Variants in DOK6 observed in about 807,000 individuals in gnomAD.
DOK6 encodes the protein docking protein 6, also known as downstream of tyrosine kinase 6.
In DOK6, 22 loss-of-function variants were observed where a neutral mutation model predicts 44.0. The ratio of observed to expected loss-of-function variants is 0.50; its 90% CI spans 0.36 to 0.71. The LOEUF is 0.71. Among genes scored for constraint, DOK6 ranks in the 30% least tolerant of loss-of-function variants. The pLI, the probability that DOK6 is intolerant of heterozygous loss-of-function variation, is 0.00. For synonymous variants in DOK6, 166 were observed against 145.5 expected (o/e 1.14, Z -1.01); for missense variants, 340 against 416.4 (o/e 0.82, Z 1.60).
chr18:69,606,306 A>G (rs957087416), intron 3 of DOK6, among the ~76,000 whole-genome samples: 14 of 53,520 alleles, frequency 2.6e-4, no homozygotes, highest in African/African-American at 6.4e-4. Flanking sequence ...ATAAATAAAT[A>G]AATAAATAAA....
intron 2 of DOK6, among the ~76,000 whole-genome samples, chr18:69,593,131 A>G (rs1242545411): frequency 6.6e-6 from 1 of 152,164 alleles, no homozygotes; most frequent in African/African-American, 2.4e-5. Context: ...CTGGGAGGCC[A>G]AGGCTGGAAG....
intron 3 of DOK6, among the ~76,000 whole-genome samples, chr18:69,633,894 C>G (rs1195096896): frequency 6.6e-6 from 1 of 152,078 alleles, no homozygotes; most frequent in Non-Finnish European, 1.5e-5. Flanking sequence ...TTTGAAGTGA[C>G]CTTTCCCTGG....
chr18:69,730,238 T>C (rs925314043), intron 5 of DOK6, among the ~76,000 whole-genome samples: 6 of 152,208 alleles, frequency 3.9e-5, no homozygotes, highest in Non-Finnish European at 8.8e-5. Context: ...ATGGACTGAG[T>C]TGCCAGCCTC....
chr18:69,566,646 T>C (rs1982991139), intron 2 of DOK6, among the ~76,000 whole-genome samples: 1 of 152,294 alleles, frequency 6.6e-6, no homozygotes, highest in South Asian at 2.1e-4. Context: ...CAAAGATGTG[T>C]GAGACACAGT....
At chr18:69,680,447 C>A (rs770896155) in intron 4 of DOK6, among the ~76,000 whole-genome samples, 1 of 152,202 alleles carries the variant, frequency 6.6e-6, no homozygotes, top group Non-Finnish European at 1.5e-5. Flanking sequence ...TGATGATATC[C>A]CTTTTCTGTG....
At chr18:69,592,686 T>G (rs1351086408) in intron 2 of DOK6, among the ~76,000 whole-genome samples, 1 of 152,148 alleles carries the variant, frequency 6.6e-6, no homozygotes, top group Non-Finnish European at 1.5e-5. Context: ...TCATATTTAC[T>G]TAAAATAATT....
chr18:69,738,254 G>A (rs930707823), intron 5 of DOK6, among the ~76,000 whole-genome samples: 25 of 152,116 alleles, frequency 1.6e-4, no homozygotes, highest in African/African-American at 5.6e-4. Flanking sequence ...CTTGAAAATC[G>A]CTTGATGTTG....
intron 7 of DOK6, among the ~76,000 whole-genome samples, chr18:69,764,880 C>T (rs1979671328): frequency 6.6e-6 from 1 of 152,138 alleles, no homozygotes; most frequent in Non-Finnish European, 1.5e-5. Flanking sequence ...TTAATATCCA[C>T]AGGCCAGCTT....
At chr18:69,666,461 T>C (rs991871976) in intron 3 of DOK6, among the ~76,000 whole-genome samples, 12 of 152,270 alleles carry the variant, frequency 7.9e-5, no homozygotes, top group African/African-American at 2.6e-4. Flanking sequence ...AGACAGGAAA[T>C]GTTAGGCACG....
chr18:69,720,978 T>C (rs1986993597), intron 5 of DOK6, among the ~76,000 whole-genome samples: 1 of 152,184 alleles, frequency 6.6e-6, no homozygotes. Context: ...AAAAAGGATA[T>C]TTGTAGGTTA....
chr18:69,737,984 T>C (rs558875852), intron 5 of DOK6, among the ~76,000 whole-genome samples: 17 of 152,334 alleles, frequency 1.1e-4, no homozygotes, highest in African/African-American at 2.9e-4. Flanking sequence ...GCTCATTTGT[T>C]TCACTTTGTG....
intron 7 of DOK6, among the ~76,000 whole-genome samples, chr18:69,809,534 A>G (rs948608082): frequency 1.3e-5 from 2 of 150,140 alleles, no homozygotes; most frequent in Non-Finnish European, 3.0e-5. Flanking sequence ...ATGATCTTAT[A>G]TATAGAAAAC....
At chr18:69,529,632 T>A (rs187902882) in intron 1 of DOK6, among the ~76,000 whole-genome samples, 1 of 152,202 alleles carries the variant, frequency 6.6e-6, no homozygotes, top group Non-Finnish European at 1.5e-5. Flanking sequence ...TACTATATTT[T>A]CTTCCTTTAA....
intron 1 of DOK6, among the ~76,000 whole-genome samples, chr18:69,410,372 C>G (rs1978300968): frequency 6.6e-6 from 1 of 152,154 alleles, no homozygotes; most frequent in African/African-American, 2.4e-5. Context: ...AATGTGACAC[C>G]AGAGTTGATA....
intron 1 of DOK6, among the ~76,000 whole-genome samples, chr18:69,455,369 T>A (rs903163290): frequency 1.3e-5 from 2 of 152,224 alleles, no homozygotes; most frequent in Non-Finnish European, 2.9e-5. Flanking sequence ...TGACCTACTT[T>A]ATTTTTTAAG....
intron 1 of DOK6, among the ~76,000 whole-genome samples, chr18:69,460,947 G>A (rs1979771723): frequency 6.6e-6 from 1 of 152,106 alleles, no homozygotes; most frequent in Non-Finnish European, 1.5e-5. Context: ...GTGTGCACGT[G>A]CAAAATAATA....
At chr18:69,757,542 CTCT>C (rs994058182) in intron 6 of DOK6, among the ~76,000 whole-genome samples, 3 of 152,176 alleles carry the variant, frequency 2.0e-5, no homozygotes, top group Admixed American at 6.5e-5. Context: ...TCTTAATGTT[CTCT>C]TCTTAATTAA....
intron 7 of DOK6, among the ~76,000 whole-genome samples, chr18:69,827,743 A>G (rs192276737): frequency 1.7e-3 from 254 of 152,148 alleles, no homozygotes; most frequent in African/African-American, 5.5e-3. Context: ...AGCTTTCTGC[A>G]TACTGACTCC....
At chr18:69,544,074 T>C (rs1408923517) in intron 1 of DOK6, among the ~76,000 whole-genome samples, 1 of 146,956 alleles carries the variant, frequency 6.8e-6, no homozygotes, top group African/African-American at 2.5e-5. Context: ...CTGGCCAACA[T>C]AGTGAAACCC....
Sources: gnomAD v4.1 joint callset for allele counts (sites outside exome capture counted in the v4.1 genomes callset) on GRCh38, gnomAD v4.1.1 for gene constraint, MANE v1.5 for transcripts, NCBI Gene and HGNC (gene_info 2026-07-23, HGNC 2026-07-21) for gene names.